UGT1A10: variants seen among roughly 807,000 people sequenced by gnomAD.
UGT1A10 encodes the protein UDP glucuronosyltransferase family 1 member A10, also known as UDP-glucuronosyltransferase 1A10.
A neutral mutation model predicts 45.8 loss-of-function variants in UGT1A10; 49 were observed. The ratio of observed to expected loss-of-function variants is 1.07; its 90% CI spans 0.85 to 1.36. The LOEUF is 1.36. UGT1A10 is among the 40% of genes most tolerant of loss of function. The probability of loss-of-function intolerance (pLI) is 0.00; values close to 1 mark genes in which losing one functional copy is unlikely to be tolerated. For missense variants in UGT1A10, 745 were observed against 668.6 expected, an observed-to-expected ratio of 1.11 and a Z score of -1.26; for synonymous variants, 284 against 249.7, an observed-to-expected ratio of 1.14 and a Z score of -1.29.
chr2:233,729,663 T>C (rs137893400), intron 1 of UGT1A10: 1,316 of 1,613,944 alleles, frequency 8.2e-4, no homozygotes, highest in Non-Finnish European at 1.0e-3. Context: ...TTCCATGTGA[T>C]TTAGACTTTA....
intron 1 of UGT1A10, chr2:233,719,556 G>A (rs1189539975): frequency 1.2e-6 from 2 of 1,613,900 alleles, no homozygotes; most frequent in South Asian, 2.2e-5. Flanking sequence ...GGTGTCAGTG[G>A]TGGATCTTGT....
Position 233,772,749 on chromosome 2 carries a change from G to C in UGT1A10, c.*190G>C. 7.0e-7 allele frequency: 1 copy of C among 1,420,230 alleles called. No homozygotes were observed. Among genetic ancestry groups the C allele is most frequent in the East Asian group, 2.5e-5 (1 of 40,006 alleles). 88.0% of individuals were successfully genotyped at this position (1,420,230 alleles called of 1,614,324 possible). Reference sequence around the variant, plus strand: ...GACTCGCTAGTCAGTAAAGATATTTGAATATGTATCGTGCCCCCTCTGGTG... The same window carrying C: ...GACTCGCTAGTCAGTAAAGATATTTCAATATGTATCGTGCCCCCTCTGGTG... On this transcript the variant is annotated 3_prime_UTR_variant, in exon 5 of 5. Coordinates refer to ENST00000344644, the MANE Select transcript of UGT1A10 (RefSeq NM_019075.4).
chr2:233,646,665 G>A (rs1405751774), intron 1 of UGT1A10, among the ~76,000 whole-genome samples: 2 of 152,092 alleles, frequency 1.3e-5, no homozygotes, highest in African/African-American at 2.4e-5. Flanking sequence ...AGTTCCCAAC[G>A]AGTTCCTCAT....
In UGT1A10 at chr2:233,746,936, G is replaced by T. The variant is rs185798867; in HGVS notation, c.856-20098G>T. 1.2e-3 allele frequency among the ~76,000 whole-genome samples: 184 copies of T among 151,904 alleles called. 4 individuals carry two copies. Among genetic ancestry groups the T allele is most frequent in the African/African-American group, 4.2e-3 (172 of 41,190 alleles). ...TTCCACAGGCCTTTGTTGGGAATTGGATGAGAAACAAGAGCTTGAACTTGG... is the reference window on the plus strand; with the variant it reads ...TTCCACAGGCCTTTGTTGGGAATTGTATGAGAAACAAGAGCTTGAACTTGG... On this transcript the variant is annotated intron_variant, in intron 1 of 4. Transcript: ENST00000344644.
At chr2:233,757,535 A>AATAAATATACATATACATATATATATAT (rs1553619837) in intron 1 of UGT1A10, among the ~76,000 whole-genome samples, 4 of 88,284 alleles carry the variant, frequency 4.5e-5, no homozygotes, top group African/African-American at 2.0e-4. Flanking sequence ...GCCTGTAAGG[A>AATAAATATACATATACATATATATATAT]ATATATATAT....
intron 1 of UGT1A10, among the ~76,000 whole-genome samples, chr2:233,637,942 A>G (rs550761794): frequency 2.2e-4 from 34 of 152,300 alleles, no homozygotes; most frequent in Admixed American, 4.6e-4. Flanking sequence ...CTTTGGATAC[A>G]ATGTAGTTTT....
intron 1 of UGT1A10, among the ~76,000 whole-genome samples, chr2:233,680,079 T>G (rs1274502000): frequency 6.6e-6 from 1 of 152,184 alleles, no homozygotes; most frequent in East Asian, 1.9e-4. Flanking sequence ...CTTCATTGAT[T>G]TTGAAATGGC....
intron 1 of UGT1A10, chr2:233,681,944 C>T: frequency 6.2e-7 from 1 of 1,612,684 alleles, no homozygotes; most frequent in Non-Finnish European, 8.5e-7. Context: ...TCTGATGGCT[C>T]GTGCAGGGTG....
At chr2:233,642,887 A>ACTCTCTCT (rs143675434) in intron 1 of UGT1A10, among the ~76,000 whole-genome samples, 1 of 142,742 alleles carries the variant, frequency 7.0e-6, no homozygotes, top group Non-Finnish European at 1.5e-5. Flanking sequence ...TCTCTCTCTC[A>ACTCTCTCT]CTCTCTCTCT....
At chr2:233,737,545 T>C (rs1322840903) in intron 1 of UGT1A10, among the ~76,000 whole-genome samples, 2 of 152,172 alleles carry the variant, frequency 1.3e-5, no homozygotes. Context: ...TGCTTCGGCT[T>C]GCCCTCAGTG....
chr2:233,751,406 G>T (rs1694719923), intron 1 of UGT1A10, among the ~76,000 whole-genome samples: 1 of 152,120 alleles, frequency 6.6e-6, no homozygotes, highest in South Asian at 2.1e-4. Context: ...TTTGGACTAT[G>T]GACTTTTGAG....
intron 1 of UGT1A10, among the ~76,000 whole-genome samples, chr2:233,670,989 G>C (rs532242717): frequency 6.6e-6 from 1 of 152,224 alleles, no homozygotes; most frequent in South Asian, 2.1e-4. Context: ...CTTATGGATG[G>C]GGGCAGTCCT....
chr2:233,657,278 G>T (rs960971800), intron 1 of UGT1A10, among the ~76,000 whole-genome samples: 2 of 152,076 alleles, frequency 1.3e-5, no homozygotes, highest in African/African-American at 4.8e-5. Flanking sequence ...TTGCTCTAAA[G>T]GAATACCTGG....
chr2:233,733,971 G>A (rs927832512), intron 1 of UGT1A10, among the ~76,000 whole-genome samples: 7 of 152,028 alleles, frequency 4.6e-5, no homozygotes, highest in African/African-American at 7.3e-5. Flanking sequence ...TAGGGGGAGC[G>A]GGGAGGGATA....
In UGT1A10 at chr2:233,722,423, G is replaced by C. The variant is rs1325775698; in HGVS notation, c.856-44611G>C. ...TCCTTGATTTAAAGTTTATGGATAG[G>C]TTGAATTATTTGATTGGTCTTCTCA... On this transcript the variant is annotated intron_variant, in intron 1 of 4. Transcript: ENST00000344644. Among the ~76,000 whole-genome samples, 3 of 152,154 alleles carry C rather than the reference G, an allele frequency of 2.0e-5. No homozygotes were observed. The East Asian group carries it at 5.8e-4, about 29-fold the overall frequency.
At chr2:233,755,969 A>T (rs2125939557) in intron 1 of UGT1A10, 1 of 152,304 alleles carries the variant, frequency 6.6e-6, no homozygotes, top group African/African-American at 2.4e-5. Context: ...GGCTCTATAG[A>T]GAGGTGGATT....
rs780692126 is a variant in UGT1A10, at chr2:233,636,722, A to G, written c.200A>G (p.Glu67Gly). The change falls in exon 1 of 5, where the codon GAA (glutamate) becomes GGA (glycine). Residue 67 changes from glutamate (E) to glycine (G), a missense_variant. Physicochemically the swap from Glu to Gly is moderately conservative, Grantham distance 98. Transcript: ENST00000344644. Reference sequence around the variant, plus strand: ...ATGCCAGAGGTGAGTTGGCAACTGGAAAGATCACTGAATTGCACAGTGAAG... The same window carrying G: ...ATGCCAGAGGTGAGTTGGCAACTGGGAAGATCACTGAATTGCACAGTGAAG... ...VVMPEVSWQL[E>G]RSLNCTVKTY... 4.3e-5 allele frequency: 70 copies of G among 1,614,072 alleles called. No individual in the cohort carries two copies. The highest frequency in any genetic ancestry group is 6.7e-5 in the East Asian group (3 of 44,892).
chr2:233,704,587 GAAGA>G (rs1243475624), intron 1 of UGT1A10, among the ~76,000 whole-genome samples: 1 of 152,074 alleles, frequency 6.6e-6, no homozygotes, highest in Admixed American at 6.5e-5. Context: ...GAATCAGAGA[GAAGA>G]AAGAAGAGCA....
In UGT1A10 at chr2:233,767,158, C is replaced by T; in HGVS notation, c.980C>T (p.Pro327Leu). ...MAIADALGKI[P>L]QTVLWRYTGT... Reference sequence around the variant, plus strand: ...ATTGCTGATGCTTTGGGCAAAATCCCTCAGACAGTAAGAAGATTCTATACC... The same window carrying T: ...ATTGCTGATGCTTTGGGCAAAATCCTTCAGACAGTAAGAAGATTCTATACC... Residue 327 changes from proline to leucine, a missense_variant, in exon 2 of 5, where the codon CCT (proline) becomes CTT (leucine). Transcript: ENST00000344644. The T allele has an allele frequency of 6.2e-7, 1 of 1,614,062 alleles. No individual in the cohort carries two copies. Among genetic ancestry groups the T allele is most frequent in the Non-Finnish European group, 8.5e-7 (1 of 1,179,998 alleles).
Sources: allele counts gnomAD v4.1 joint callset (sites outside exome capture counted in the v4.1 genomes callset), GRCh38; gene constraint gnomAD v4.1.1; transcripts MANE v1.5; gene names NCBI Gene and HGNC (gene_info 2026-07-23, HGNC 2026-07-21).